The following VOPP1 variants were observed in gnomAD, a reference collection of about 807,000 sequenced individuals.
VOPP1 encodes the protein VOPP1 WW domain binding protein.
In VOPP1, 8 loss-of-function variants were observed where a neutral mutation model predicts 23.5. That is an observed-to-expected ratio of 0.34 (90% CI 0.20 to 0.61). VOPP1 has a LOEUF of 0.61. Among genes scored for constraint, VOPP1 ranks in the 20% least tolerant of loss-of-function variants. The pLI is 0.78. For missense variants in VOPP1, 174 were observed against 238.1 expected, an observed-to-expected ratio of 0.73 and a Z score of 1.77; for synonymous variants, 83 against 97.3, an observed-to-expected ratio of 0.85 and a Z score of 0.86.
intron 4 of VOPP1, among the ~76,000 whole-genome samples, chr7:55,444,340 G>A (rs1468988601): frequency 6.6e-6 from 1 of 152,150 alleles, no homozygotes; most frequent in Non-Finnish European, 1.5e-5. Flanking sequence ...AAGAGTCCAG[G>A]AAGGACATGA....
intron 4 of VOPP1, among the ~76,000 whole-genome samples, chr7:55,446,947 T>C (rs1011183587): frequency 1.3e-5 from 2 of 152,244 alleles, no homozygotes; most frequent in African/African-American, 4.8e-5. Flanking sequence ...ATGTTGGCCT[T>C]TCCCTCTTTG....
intron 4 of VOPP1, among the ~76,000 whole-genome samples, chr7:55,483,272 G>A (rs1792876652): frequency 6.6e-6 from 1 of 152,098 alleles, no homozygotes; most frequent in Non-Finnish European, 1.5e-5. Flanking sequence ...TGGGGTGAGG[G>A]AGAGCCTGCA....
intron 1 of VOPP1, chr7:55,562,014 C>T: frequency 1.4e-6 from 1 of 703,610 alleles, no homozygotes; most frequent in South Asian, 1.5e-5. Context: ...TGGATGAAGA[C>T]TTCTGATCCT....
intron 2 of VOPP1, among the ~76,000 whole-genome samples, chr7:55,519,688 T>C (rs1297124845): frequency 5.3e-5 from 8 of 152,230 alleles, no homozygotes; most frequent in Admixed American, 2.0e-4. Context: ...CTGCAGAGGC[T>C]TCCTTCCAGG....
intron 1 of VOPP1, among the ~76,000 whole-genome samples, chr7:55,555,364 C>T (rs1797767236): frequency 6.6e-6 from 1 of 152,206 alleles, no homozygotes; most frequent in Non-Finnish European, 1.5e-5. Flanking sequence ...CATTTCCGCA[C>T]ATGTGAAAGC....
downstream of VOPP1, among the ~76,000 whole-genome samples, chr7:55,469,190 C>T (rs1288675548): frequency 6.6e-6 from 1 of 152,036 alleles, no homozygotes; most frequent in African/African-American, 2.4e-5. Context: ...AACCCTTGGA[C>T]GATTGTCGGG....
At chr7:55,499,671 G>A (rs1271334971) in intron 2 of VOPP1, among the ~76,000 whole-genome samples, 1 of 152,230 alleles carries the variant, frequency 6.6e-6, no homozygotes, top group Non-Finnish European at 1.5e-5. Flanking sequence ...ACATGTGCAG[G>A]AGGTGACGTC....
At chr7:55,519,433 A>C (rs1562950332) in intron 2 of VOPP1, among the ~76,000 whole-genome samples, 1 of 152,214 alleles carries the variant, frequency 6.6e-6, no homozygotes. Context: ...CTGATCTATA[A>C]AACAATTGGA....
chr7:55,461,820 T>C (rs918012921), intron 4 of VOPP1, among the ~76,000 whole-genome samples: 1 of 152,206 alleles, frequency 6.6e-6, no homozygotes, highest in African/African-American at 2.4e-5. Flanking sequence ...TGTTTTCTAC[T>C]TGTTTTGTGC....
chr7:55,476,478 G>A (rs1022322477), intron 4 of VOPP1, among the ~76,000 whole-genome samples: 2 of 152,074 alleles, frequency 1.3e-5, no homozygotes, highest in Non-Finnish European at 2.9e-5. Flanking sequence ...GGATGCAAAA[G>A]AGTCCGGCAG....
intron 3 of VOPP1, among the ~76,000 whole-genome samples, chr7:55,495,667 C>T (rs1793898307): frequency 6.6e-6 from 1 of 152,236 alleles, no homozygotes; most frequent in Non-Finnish European, 1.5e-5. Context: ...CAGGAGTCTG[C>T]CTGCCTAAAG....
intron 1 of VOPP1, among the ~76,000 whole-genome samples, chr7:55,551,353 T>G (rs1797598993): frequency 6.6e-6 from 1 of 152,194 alleles, no homozygotes; most frequent in Non-Finnish European, 1.5e-5. Context: ...GAACCCCACG[T>G]GCACACCGTA....
intron 4 of VOPP1, among the ~76,000 whole-genome samples, chr7:55,443,088 C>T (rs913878425): frequency 6.6e-6 from 1 of 151,556 alleles, no homozygotes; most frequent in Non-Finnish European, 1.5e-5. Context: ...CACTGAACTC[C>T]AGCCCGGGTG....
intron 1 of VOPP1, chr7:55,521,728 A>ACAGGGCAGGG (rs546941688): frequency 3.8e-4 from 372 of 985,182 alleles, no homozygotes; most frequent in East Asian, 9.1e-4. Context: ...GCCCAGCCCC[A>ACAGGGCAGGG]CAGGGCAGGG....
At chr7:55,476,655 G>C (rs1432173970) in intron 4 of VOPP1, among the ~76,000 whole-genome samples, 1 of 152,260 alleles carries the variant, frequency 6.6e-6, no homozygotes, top group South Asian at 2.1e-4. Context: ...CTCAGGGCAC[G>C]TGGGTCTCTG....
rs576798516 is a variant in VOPP1 at position 55,536,398 on chromosome 7, G to A, written c.55-15268C>T. ...ACAAAAATTAGCCCGGTGTGGTGGC[G>A]GGCGCCTGTAGTCCCAGCTACTCGG... is the stretch of plus-strand genomic sequence containing the variant. On this transcript the variant is annotated intron_variant, in intron 1 of 4. Transcript: ENST00000285279. 7.2e-5 allele frequency among the ~76,000 whole-genome samples: 11 copies of A among 152,156 alleles called. No homozygotes were observed. The East Asian group carries it at 1.4e-3, about 19-fold the overall frequency.
rs1424159300 is a variant in VOPP1, at chr7:55,525,786, C to T, written c.55-4656G>A. On this transcript the variant is annotated intron_variant, in intron 1 of 4. Transcript: ENST00000285279. ...AAATCTCCCTAAAAGGAAAAAACCT[C>T]TCTAAAAAAAAAAAAAAAAAAAAAA... Among the ~76,000 whole-genome samples the T allele has an allele frequency of 2.7e-4, 20 of 74,004 alleles. No individual in the cohort carries two copies. The Admixed American group carries it at 2.7e-3, about 10-fold the overall frequency. The allele number at this position is 74,004 out of a possible 152,430, so 48.5% of individuals were successfully genotyped here. A position where few individuals can be genotyped will look rare whatever the true frequency, so the allele number is the denominator to read the frequency against.
downstream of VOPP1, among the ~76,000 whole-genome samples, chr7:55,435,356 G>C (rs1005645310): frequency 2.0e-5 from 3 of 152,234 alleles, no homozygotes; most frequent in Admixed American, 2.0e-4. Context: ...GGAGCCGGGG[G>C]TGCTGTGGGA....
intron 2 of VOPP1, among the ~76,000 whole-genome samples, chr7:55,517,828 A>T (rs1008071630): frequency 6.6e-6 from 1 of 152,034 alleles, no homozygotes; most frequent in Non-Finnish European, 1.5e-5. Flanking sequence ...ATGCTTCATG[A>T]CCCCAACTTG....
Sources: allele counts gnomAD v4.1 joint callset (sites outside exome capture counted in the v4.1 genomes callset), GRCh38; gene constraint gnomAD v4.1.1; transcripts MANE v1.5; gene names NCBI Gene and HGNC (gene_info 2026-07-23, HGNC 2026-07-21).